SNX29: variants seen among roughly 807,000 people sequenced by gnomAD.
SNX29 encodes sorting nexin-29.
SNX29 carries 78 observed loss-of-function variants against 102.1 expected under a neutral mutation model. The observed-to-expected ratio is 0.76, with a 90% CI of 0.64 to 0.92. The LOEUF (loss-of-function observed/expected upper bound fraction) is 0.92. SNX29 is among the 40% of genes least tolerant of loss of function. The pLI is 0.00. For synonymous variants in SNX29, 580 were observed against 414.5 expected, an observed-to-expected ratio of 1.40 and a Z score of -4.85; for missense variants, 1,280 against 1,061.7, an observed-to-expected ratio of 1.21 and a Z score of -2.86.
chr16:12,223,200 G>A (rs1206273240), intron 14 of SNX29, among the ~76,000 whole-genome samples: 2 of 152,092 alleles, frequency 1.3e-5, no homozygotes, highest in African/African-American at 4.8e-5. Context: ...CCCTCCCTGG[G>A]CCTCAGTTTA....
At chr16:12,141,849 G>T (rs1219776119) in intron 13 of SNX29, among the ~76,000 whole-genome samples, 2 of 152,180 alleles carry the variant, frequency 1.3e-5, no homozygotes, top group Non-Finnish European at 2.9e-5. Context: ...TTTGTGACCT[G>T]TATCTAATGA....
At chr16:12,072,443 T>C (rs2051345749) in intron 10 of SNX29, among the ~76,000 whole-genome samples, 1 of 152,224 alleles carries the variant, frequency 6.6e-6, no homozygotes, top group African/African-American at 2.4e-5. Flanking sequence ...TTTTTGTCTT[T>C]GGTTCTGTTT....
At chr16:12,048,987 G>C (rs1428418840) in intron 7 of SNX29, among the ~76,000 whole-genome samples, 1 of 152,204 alleles carries the variant, frequency 6.6e-6, no homozygotes, top group Non-Finnish European at 1.5e-5. Context: ...CCAGCAGGTA[G>C]CCTGCAGTCT....
intron 14 of SNX29, among the ~76,000 whole-genome samples, chr16:12,271,683 C>A (rs529123436): frequency 2.0e-5 from 3 of 151,198 alleles, no homozygotes; most frequent in Non-Finnish European, 4.4e-5. Flanking sequence ...AGTGCAGTGG[C>A]GTGATCTCAG....
chr16:12,413,838 C>T (rs1331360256), intron 18 of SNX29, among the ~76,000 whole-genome samples: 2 of 152,208 alleles, frequency 1.3e-5, no homozygotes, highest in African/African-American at 4.8e-5. Flanking sequence ...TGGTGGTGTC[C>T]ATTGTTCTAA....
At chr16:12,036,848 A>T (rs1239138246) in intron 4 of SNX29, among the ~76,000 whole-genome samples, 1 of 152,184 alleles carries the variant, frequency 6.6e-6, no homozygotes, top group East Asian at 1.9e-4. Flanking sequence ...GTGGTTGCAA[A>T]TGATAGAAAA....
At chr16:12,537,928 T>C (rs1296919521) in intron 20 of SNX29, among the ~76,000 whole-genome samples, 2 of 148,632 alleles carry the variant, frequency 1.3e-5, no homozygotes, top group East Asian at 2.0e-4. Context: ...GAGGTTGCAG[T>C]GAGCTGAGAT....
chr16:12,399,639 G>A (rs1406674227), intron 17 of SNX29, among the ~76,000 whole-genome samples: 1 of 152,100 alleles, frequency 6.6e-6, no homozygotes. Context: ...GTCCTGATGC[G>A]AACCTTGCAG....
chr16:12,257,577 T>C (rs1183658506), intron 14 of SNX29, among the ~76,000 whole-genome samples: 2 of 152,156 alleles, frequency 1.3e-5, no homozygotes, highest in Non-Finnish European at 2.9e-5. Flanking sequence ...GGCACATCTA[T>C]AGCTCACTGA....
At chr16:12,017,773 A>G (rs1010042170) in intron 3 of SNX29, among the ~76,000 whole-genome samples, 1 of 151,826 alleles carries the variant, frequency 6.6e-6, no homozygotes, top group African/African-American at 2.4e-5. Flanking sequence ...TTTTTTTTTC[A>G]GCTGCATGAT....
chr16:12,029,020 A>G (rs1031823008), intron 4 of SNX29, among the ~76,000 whole-genome samples: 1 of 151,960 alleles, frequency 6.6e-6, no homozygotes, highest in Middle Eastern at 3.2e-3. Context: ...TGCTGGGATT[A>G]TACGTGTAAG....
At chr16:11,991,998 C>T (rs2055872785) in intron 1 of SNX29, among the ~76,000 whole-genome samples, 1 of 152,058 alleles carries the variant, frequency 6.6e-6, no homozygotes, top group Non-Finnish European at 1.5e-5. Context: ...TGCAGTCCTT[C>T]TCATAAAAAT....
intron 13 of SNX29, among the ~76,000 whole-genome samples, chr16:12,158,050 A>C (rs1490648229): frequency 1.3e-5 from 2 of 150,832 alleles, no homozygotes; most frequent in Non-Finnish European, 2.9e-5. Context: ...GACCAACTCC[A>C]GCTGACCGTG....
intron 20 of SNX29, among the ~76,000 whole-genome samples, chr16:12,541,024 A>G (rs553971385): frequency 2.6e-5 from 4 of 152,292 alleles, no homozygotes; most frequent in African/African-American, 7.2e-5. Context: ...GACAGCAACA[A>G]CTGGTCATCT....
At chr16:12,328,604 C>T (rs1301624317) in intron 15 of SNX29, among the ~76,000 whole-genome samples, 1 of 152,176 alleles carries the variant, frequency 6.6e-6, no homozygotes, top group Non-Finnish European at 1.5e-5. Context: ...GGTTCTCTGA[C>T]TTCTCGGTCA....
intron 15 of SNX29, among the ~76,000 whole-genome samples, chr16:12,291,779 C>T (rs2079804469): frequency 6.6e-6 from 1 of 152,122 alleles, no homozygotes; most frequent in African/African-American, 2.4e-5. Flanking sequence ...AGGGATGGAT[C>T]CCCAGATGAA....
intron 15 of SNX29, among the ~76,000 whole-genome samples, chr16:12,302,175 G>A (rs1330055894): frequency 6.6e-6 from 1 of 152,168 alleles, no homozygotes; most frequent in Non-Finnish European, 1.5e-5. Flanking sequence ...TTGGTGGGAT[G>A]GACGTCGTAA....
At chr16:12,217,622 CA>C (rs2077359730) in intron 14 of SNX29, among the ~76,000 whole-genome samples, 1 of 152,198 alleles carries the variant, frequency 6.6e-6, no homozygotes, top group Non-Finnish European at 1.5e-5. Flanking sequence ...AATGTTTCAG[CA>C]GTAAGATGGC....
Position 12,415,689 on chromosome 16 carries a change from G to A in SNX29, c.2037+12160G>A, listed in dbSNP as rs573899567. On this transcript the variant is annotated intron_variant, in intron 18 of 20. Coordinates refer to ENST00000566228, the MANE Select transcript of SNX29 (RefSeq NM_032167.5). ...TCCAGGGGAGGAAGTGAGGCCTGGT[G>A]AGCGGACTTGGTCAGGCTGACAGGT... Among the ~76,000 whole-genome samples the A allele has an allele frequency of 9.9e-5, 15 of 152,196 alleles. No individual in the cohort carries two copies. The East Asian group carries it at 1.4e-3, about 14-fold the overall frequency.
Sources: gnomAD v4.1 joint callset for allele counts (sites outside exome capture counted in the v4.1 genomes callset) on GRCh38, gnomAD v4.1.1 for gene constraint, MANE v1.5 for transcripts, NCBI Gene and HGNC (gene_info 2026-07-23, HGNC 2026-07-21) for gene names.